Variants in LHFPL3 observed in about 807,000 individuals in gnomAD.
LHFPL3 encodes the protein LHFPL tetraspan subfamily member 3 protein.
A neutral mutation model predicts 19.3 loss-of-function variants in LHFPL3; 5 were observed. The ratio of observed to expected loss-of-function variants is 0.26; its 90% confidence interval spans 0.14 to 0.54. LHFPL3 has a LOEUF of 0.54. Among genes scored for constraint, LHFPL3 ranks in the 20% least tolerant of loss-of-function variants. The probability of loss-of-function intolerance (pLI) is 0.94; values close to 1 mark genes in which losing one functional copy is unlikely to be tolerated. For synonymous variants in LHFPL3, 133 were observed against 126.2 expected, an observed-to-expected ratio of 1.05 and a Z score of -0.36; for missense variants, 249 against 307.4, an observed-to-expected ratio of 0.81 and a Z score of 1.42.
At chr7:104,431,968 A>G (rs1486370916) in intron 1 of LHFPL3, among the ~76,000 whole-genome samples, 1 of 151,994 alleles carries the variant, frequency 6.6e-6, no homozygotes, top group Non-Finnish European at 1.5e-5. Flanking sequence ...TTGCTGGTAT[A>G]CTCCAGTTCC....
intron 2 of LHFPL3, among the ~76,000 whole-genome samples, chr7:104,890,879 T>G (rs961140922): frequency 6.6e-6 from 1 of 152,108 alleles, no homozygotes; most frequent in African/African-American, 2.4e-5. Context: ...CTGATGAGAA[T>G]AGACAGAACC....
chr7:104,416,789 A>G (rs1791630464), intron 1 of LHFPL3, among the ~76,000 whole-genome samples: 1 of 152,220 alleles, frequency 6.6e-6, no homozygotes, highest in Non-Finnish European at 1.5e-5. Context: ...GTAATTTACA[A>G]TGAGCAGAAA....
At chr7:104,557,670 A>T (rs1242008852) in intron 1 of LHFPL3, among the ~76,000 whole-genome samples, 1 of 151,460 alleles carries the variant, frequency 6.6e-6, no homozygotes, top group Middle Eastern at 3.2e-3. Flanking sequence ...TTTTATTTTT[A>T]TTTTTATTTT....
At chr7:104,900,871 C>T (rs1263712141) in intron 2 of LHFPL3, among the ~76,000 whole-genome samples, 1 of 152,232 alleles carries the variant, frequency 6.6e-6, no homozygotes, top group Non-Finnish European at 1.5e-5. Context: ...ACAAATCTGA[C>T]TGAACAAAGA....
chr7:104,766,159 C>T (rs1365255365), intron 2 of LHFPL3, among the ~76,000 whole-genome samples: 1 of 152,128 alleles, frequency 6.6e-6, no homozygotes, highest in Non-Finnish European at 1.5e-5. Flanking sequence ...TAATGTCGAG[C>T]TTTGTTGGTA....
At position 104,399,523 on chromosome 7, in the gene LHFPL3, G is replaced by A. The variant is rs57121880; in HGVS notation, c.445+70299G>A. 0.04 allele frequency among the ~76,000 whole-genome samples: 6,127 copies of A among 151,400 alleles called. 436 individuals are homozygous for A. The highest frequency in any genetic ancestry group is 0.14 in the African/African-American group (5,809 of 41,162). On this transcript the variant is annotated intron_variant, in intron 1 of 2. Coordinates refer to ENST00000424859, the MANE Select transcript of LHFPL3 (RefSeq NM_199000.3). The surrounding 1 kb of genome is among the most constrained non-coding windows in gnomAD (Gnocchi z 4.4). ...GGCTGGCAGGCTGGAGTGCAGTGGC[G>A]CAGTCTTGGCTCAGTGCAACCTCTG...
intron 1 of LHFPL3, among the ~76,000 whole-genome samples, chr7:104,404,472 T>C (rs946916447): frequency 2.0e-5 from 3 of 152,194 alleles, no homozygotes; most frequent in Non-Finnish European, 4.4e-5. Flanking sequence ...GAAGTAAAAT[T>C]ATTGAAGAAA....
At chr7:104,371,725 C>G (rs1242529670) in intron 1 of LHFPL3, among the ~76,000 whole-genome samples, 1 of 151,908 alleles carries the variant, frequency 6.6e-6, no homozygotes, top group Non-Finnish European at 1.5e-5. Context: ...TCCTCTTATG[C>G]TTAGAATTCA....
At position 104,583,481 on chromosome 7, in the gene LHFPL3, G is replaced by T. The variant is rs530466161; in HGVS notation, c.446-153194G>T. Among the ~76,000 whole-genome samples the T allele has an allele frequency of 3.4e-4, 51 of 152,226 alleles. 1 individual carries two copies. The highest frequency in any genetic ancestry group is 1.2e-3 in the African/African-American group (50 of 41,532). Reference sequence around the variant, plus strand: ...AAATGGGATCTAATTAAACTAAAGAGCTTCTGCACAGCAAAAGAAAGTACC... The same window carrying T: ...AAATGGGATCTAATTAAACTAAAGATCTTCTGCACAGCAAAAGAAAGTACC... On this transcript the variant is annotated intron_variant, in intron 1 of 2. Coordinates refer to ENST00000424859, the MANE Select transcript of LHFPL3 (RefSeq NM_199000.3).
intron 1 of LHFPL3, among the ~76,000 whole-genome samples, chr7:104,627,109 C>G (rs2216244): frequency 0.23 from 34,889 of 151,966 alleles, 4,472 homozygotes; most frequent in South Asian, 0.42. Flanking sequence ...AATTTTATCT[C>G]CTTTGAGCAA....
intron 1 of LHFPL3, among the ~76,000 whole-genome samples, chr7:104,588,155 C>G (rs1331723227): frequency 6.6e-6 from 1 of 152,034 alleles, no homozygotes. Flanking sequence ...TTTTTGTTGC[C>G]ATTGCTTTTT....
intron 1 of LHFPL3, among the ~76,000 whole-genome samples, chr7:104,656,199 G>C (rs997749868): frequency 1.3e-5 from 2 of 151,616 alleles, no homozygotes; most frequent in Admixed American, 6.6e-5. Flanking sequence ...AAGTAGATGA[G>C]ATGGTAATTA....
At chr7:104,638,740 C>G (rs528688562) in intron 1 of LHFPL3, among the ~76,000 whole-genome samples, 6 of 151,212 alleles carry the variant, frequency 4.0e-5, no homozygotes, top group South Asian at 2.1e-4. Flanking sequence ...TGGGATGAAG[C>G]CTACTTGATC....
At chr7:104,783,333 A>G (rs1789850295) in intron 2 of LHFPL3, among the ~76,000 whole-genome samples, 1 of 152,222 alleles carries the variant, frequency 6.6e-6, no homozygotes, top group Non-Finnish European at 1.5e-5. Context: ...ACAGTATAGT[A>G]CAAATGCCTA....
chr7:104,395,545 T>G (rs573278820), intron 1 of LHFPL3, among the ~76,000 whole-genome samples: 2 of 152,274 alleles, frequency 1.3e-5, no homozygotes, highest in Admixed American at 6.5e-5. Flanking sequence ...CTCTCCATAA[T>G]TTTATGTATT....
At chr7:104,425,567 G>A (rs936980314) in intron 1 of LHFPL3, among the ~76,000 whole-genome samples, 19 of 151,996 alleles carry the variant, frequency 1.3e-4, no homozygotes, top group African/African-American at 4.6e-4. Context: ...TTTTCACAAG[G>A]GGAAAAAGAG....
chr7:104,841,073 C>T (rs998897676), intron 2 of LHFPL3, among the ~76,000 whole-genome samples: 1 of 152,136 alleles, frequency 6.6e-6, no homozygotes, highest in Non-Finnish European at 1.5e-5. Context: ...GCTCATAGCA[C>T]AGAGGAAAGT....
At chr7:104,428,350 A>G (rs531581440) in intron 1 of LHFPL3, among the ~76,000 whole-genome samples, 1 of 152,322 alleles carries the variant, frequency 6.6e-6, no homozygotes, top group African/African-American at 2.4e-5. Context: ...TTGTCTAACT[A>G]AATTTTCTTG....
intron 1 of LHFPL3, among the ~76,000 whole-genome samples, chr7:104,483,470 A>G (rs10253589): frequency 0.27 from 40,628 of 152,170 alleles, 6,513 homozygotes; most frequent in African/African-American, 0.44. Context: ...AGTTATTTTT[A>G]CTGTTTGTCT....
Sources: gnomAD v4.1 joint callset for allele counts (sites outside exome capture counted in the v4.1 genomes callset) on GRCh38, gnomAD v4.1.1 for gene constraint, Gnocchi (gnomAD v3.1) non-coding constraint, MANE v1.5 for transcripts, NCBI Gene and HGNC (gene_info 2026-07-23, HGNC 2026-07-21) for gene names.